C10orf90: variants seen among roughly 807,000 people sequenced by gnomAD.
C10orf90 encodes the protein (E2-independent) E3 ubiquitin-conjugating enzyme FATS.
In C10orf90, 56 loss-of-function variants were observed where a neutral mutation model predicts 62.5. The observed-to-expected ratio is 0.90, with a 90% CI of 0.72 to 1.12. The LOEUF (loss-of-function observed/expected upper bound fraction) is 1.12, where lower values mean the gene tolerates loss of function less well. Among genes scored for constraint, C10orf90 ranks in the 50% most tolerant of loss-of-function variants. C10orf90 has a pLI of 0.00. For synonymous variants in C10orf90, 386 were observed against 340.4 expected, an observed-to-expected ratio of 1.13 and a Z score of -1.47; for missense variants, 970 against 880.4, an observed-to-expected ratio of 1.10 and a Z score of -1.29.
At chr10:126,501,879 C>G (rs1051417294) in intron 4 of C10orf90, among the ~76,000 whole-genome samples, 2 of 147,644 alleles carry the variant, frequency 1.4e-5, no homozygotes, top group African/African-American at 5.4e-5. Flanking sequence ...CAAAGGCATA[C>G]AGAGTGATAT....
At chr10:126,661,883 ATATAAT>A (rs1846522677) in intron 1 of C10orf90, among the ~76,000 whole-genome samples, 1 of 152,096 alleles carries the variant, frequency 6.6e-6, no homozygotes, top group African/African-American at 2.4e-5. Flanking sequence ...AGGGCAAACA[ATATAAT>A]TATAATATTT....
chr10:126,625,257 A>T (rs548389193), intron 2 of C10orf90, among the ~76,000 whole-genome samples: 9 of 152,264 alleles, frequency 5.9e-5, no homozygotes, highest in Non-Finnish European at 1.0e-4. Flanking sequence ...CTCATGTATT[A>T]TCCACTTGAC....
intron 1 of C10orf90, among the ~76,000 whole-genome samples, chr10:126,669,202 C>A (rs1846696080): frequency 6.6e-6 from 1 of 152,184 alleles, no homozygotes; most frequent in South Asian, 2.1e-4. Flanking sequence ...AAGTAATGAA[C>A]AACTATTACT....
chr10:126,594,867 AAG>A (rs1564885891), intron 2 of C10orf90, among the ~76,000 whole-genome samples: 1 of 152,140 alleles, frequency 6.6e-6, no homozygotes, highest in African/African-American at 2.4e-5. Context: ...GAAGGGCACT[AAG>A]AGGCAGGTGT....
At chr10:126,591,712 G>A (rs929244982) in intron 2 of C10orf90, among the ~76,000 whole-genome samples, 2 of 151,454 alleles carry the variant, frequency 1.3e-5, no homozygotes, top group East Asian at 3.9e-4. Context: ...TCAGGCAAGA[G>A]AAAAAAAATA....
At chr10:126,512,753 A>G (rs561637299) in intron 3 of C10orf90, among the ~76,000 whole-genome samples, 1 of 152,108 alleles carries the variant, frequency 6.6e-6, no homozygotes, top group Non-Finnish European at 1.5e-5. Context: ...GAGGGAACAA[A>G]TTAATTATAG....
chr10:126,455,779 C>T (rs1231806744), intron 7 of C10orf90, among the ~76,000 whole-genome samples: 6 of 152,172 alleles, frequency 3.9e-5, no homozygotes. Flanking sequence ...TGCCTCCAAA[C>T]AAGGAGTCCT....
intron 2 of C10orf90, among the ~76,000 whole-genome samples, chr10:126,516,559 G>T (rs1863446691): frequency 6.6e-6 from 1 of 152,200 alleles, no homozygotes; most frequent in African/African-American, 2.4e-5. Context: ...GACATAACCA[G>T]CCCTTAGTGC....
At chr10:126,558,854 T>A (rs1478950807) in intron 2 of C10orf90, among the ~76,000 whole-genome samples, 1 of 152,226 alleles carries the variant, frequency 6.6e-6, no homozygotes, top group Non-Finnish European at 1.5e-5. Context: ...AGGGCCCAGC[T>A]CAGTGCCCAC....
intron 2 of C10orf90, among the ~76,000 whole-genome samples, chr10:126,567,444 C>G (rs1344890699): frequency 6.6e-6 from 1 of 152,162 alleles, no homozygotes; most frequent in Non-Finnish European, 1.5e-5. Context: ...CCTCCTCCAA[C>G]ACTGGAGATG....
chr10:126,590,065 C>T (rs1844949191), intron 2 of C10orf90, among the ~76,000 whole-genome samples: 1 of 152,114 alleles, frequency 6.6e-6, no homozygotes. Flanking sequence ...ACAAACCAGA[C>T]TTCAAATCAA....
intron 1 of C10orf90, among the ~76,000 whole-genome samples, chr10:126,662,266 C>T (rs987123458): frequency 1.3e-5 from 2 of 152,092 alleles, no homozygotes; most frequent in African/African-American, 4.8e-5. Context: ...CGTGATTTTC[C>T]CTGTATTCAG....
intron 1 of C10orf90, among the ~76,000 whole-genome samples, chr10:126,669,063 C>A (rs1193213356): frequency 1.3e-5 from 2 of 152,078 alleles, no homozygotes; most frequent in Non-Finnish European, 2.9e-5. Context: ...TGGAAAATAA[C>A]CTCAGTGAAA....
intron 2 of C10orf90, among the ~76,000 whole-genome samples, chr10:126,622,347 A>C (rs1281135862): frequency 6.6e-6 from 1 of 152,148 alleles, no homozygotes; most frequent in Non-Finnish European, 1.5e-5. Context: ...ACCCCTGCCC[A>C]CTGGTGAACT....
Position 126,464,906 on chromosome 10 carries a change from G to C in C10orf90, c.1615C>G (p.Gln539Glu). 1 of 1,613,776 alleles carries C rather than the reference G, an allele frequency of 6.2e-7. No homozygotes were observed. Residue 539 changes from glutamine to glutamate, a missense_variant, in exon 5 of 10, where the codon CAG becomes GAG. By Grantham distance (29) the Gln-to-Glu change is conservative. Coordinates refer to ENST00000488181, the MANE Select transcript of C10orf90 (RefSeq NM_001350921.2). The stretch of plus-strand genomic sequence containing the variant: ...GGAAGGAAATGTCTAGTGGGCTTCT[G>C]TTCCACTGGAGGAGCAGACACAGTC... ...CMTVSAPPVE[Q>E]KPTRHFLPIG...
chr10:126,669,493 TG>T (rs1846702300), intron 1 of C10orf90, among the ~76,000 whole-genome samples: 1 of 152,220 alleles, frequency 6.6e-6, no homozygotes, highest in East Asian at 1.9e-4. Flanking sequence ...TCAAAAGAGA[TG>T]GGTAAATGAG....
At chr10:126,468,371 G>T (rs139573449) in intron 4 of C10orf90, among the ~76,000 whole-genome samples, 1 of 152,304 alleles carries the variant, frequency 6.6e-6, no homozygotes, top group Non-Finnish European at 1.5e-5. Context: ...CTGGCCAAAA[G>T]CTAGCTATTT....
intron 2 of C10orf90, among the ~76,000 whole-genome samples, chr10:126,604,202 C>T (rs1028421106): frequency 3.9e-5 from 6 of 152,166 alleles, no homozygotes; most frequent in African/African-American, 1.2e-4. Context: ...CGGCCTTGCT[C>T]GGGTAGCAGT....
At chr10:126,536,666 C>G (rs972829041) in intron 2 of C10orf90, among the ~76,000 whole-genome samples, 1 of 152,182 alleles carries the variant, frequency 6.6e-6, no homozygotes, top group Admixed American at 6.5e-5. Context: ...CTTCCATGAA[C>G]CAGTGAGGAA....
Sources: allele counts gnomAD v4.1 joint callset (sites outside exome capture counted in the v4.1 genomes callset), GRCh38; gene constraint gnomAD v4.1.1; transcripts MANE v1.5; gene names NCBI Gene and HGNC (gene_info 2026-07-23, HGNC 2026-07-21).